Variants in GAS2L1 observed in about 807,000 individuals in gnomAD.
The protein encoded by GAS2L1 is GAS2-like protein 1.
In GAS2L1, 26 loss-of-function variants were observed where a neutral mutation model predicts 44.0. The observed-to-expected ratio is 0.59, with a 90% confidence interval of 0.43 to 0.82. The LOEUF (loss-of-function observed/expected upper bound fraction) is 0.82, where lower values mean the gene tolerates loss of function less well. Ranked by LOEUF, GAS2L1 falls within the 40% of genes least tolerant of loss-of-function variation. The probability of loss-of-function intolerance (pLI) is 0.00; values close to 1 mark genes in which losing one functional copy is unlikely to be tolerated. For missense variants in GAS2L1, 1,006 were observed against 983.0 expected, an observed-to-expected ratio of 1.02 and a Z score of -0.31; for synonymous variants, 426 against 415.9, an observed-to-expected ratio of 1.02 and a Z score of -0.30.
intron 1 of GAS2L1, among the ~76,000 whole-genome samples, chr22:29,309,841 C>A (rs1447218184): frequency 6.6e-6 from 1 of 152,188 alleles, no homozygotes; most frequent in Non-Finnish European, 1.5e-5. Flanking sequence ...GGGCTCTGGG[C>A]CTTCCCCAGG....
At chr22:29,308,102 G>A (rs767189339) in exon 1 of GAS2L1, 7 of 1,552,006 alleles carry the variant, frequency 4.5e-6, no homozygotes, top group African/African-American at 2.7e-5. Flanking sequence ...CGGCCGGTCC[G>A]GGCATGGCAG....
rs1228724977 is a variant in GAS2L1 at position 29,307,147 on chromosome 22, G to C, written c.-959G>C. ...GCAATGCTCCCCGGGGCCGCGGGAT[G>C]AGCCAGGTGAGCGCGGAGACCCCCA... On this transcript the variant is annotated 5_prime_UTR_variant, in exon 1 of 5. The change abolishes an upstream ATG in the 5' untranslated region. Transcript: ENST00000618518. 6.6e-6 allele frequency: 1 copy of C among 152,034 alleles called. No homozygotes were observed. The highest frequency in any genetic ancestry group is 1.5e-5 in the Non-Finnish European group (1 of 67,984). The allele number at this position is 152,034 out of a possible 1,614,324, so 9.4% of individuals were successfully genotyped here.
chr22:29,310,508 T>C (rs776619700), exon 2 of GAS2L1: 1 of 1,612,004 alleles, frequency 6.2e-7, no homozygotes, highest in Non-Finnish European at 8.5e-7. Flanking sequence ...AGAGGGGAAG[T>C]ACCGTGTGGG....
At chr22:29,309,325 A>G (rs2061380668) in intron 1 of GAS2L1, among the ~76,000 whole-genome samples, 1 of 151,920 alleles carries the variant, frequency 6.6e-6, no homozygotes, top group African/African-American at 2.4e-5. Context: ...GATTCGTTCT[A>G]CTCTAAGCAT....
chr22:29,311,380 C>A (rs993074875), intron 4 of GAS2L1, 82 bp from the exon 6 acceptor site: 2 of 628,892 alleles, frequency 3.2e-6, no homozygotes, highest in Admixed American at 5.9e-5. Context: ...CAGCCACATA[C>A]CCTGCTGTTC....
At position 29,308,744 on chromosome 22, in the gene GAS2L1, TC is replaced by T. The variant is rs1261871980; in HGVS notation, c.633+11del. On this transcript the variant is annotated splice_region_variant and intron_variant, in intron 1 of 4. Transcript: ENST00000618518. ...TGCGCAACCTCGACGAGCTGGTGAG[TC>T]CCCCAGCACCAGGTGCCAGGGACCC... The T allele has an allele frequency of 1.2e-5, 18 of 1,483,644 alleles. No homozygotes were observed. The South Asian group carries it at 1.9e-4, about 16-fold the overall frequency. The allele number at this position is 1,483,644 out of a possible 1,614,324, so 91.9% of individuals were successfully genotyped here.
Position 29,309,023 on chromosome 22 carries a change from A to G in GAS2L1, c.633+285A>G, listed in dbSNP as rs536817763. Among the ~76,000 whole-genome samples the G allele has an allele frequency of 4.6e-5, 7 of 152,358 alleles. No homozygotes were observed. The East Asian group carries it at 1.2e-3, about 25-fold the overall frequency. On this transcript the variant is annotated intron_variant, in intron 1 of 4. Coordinates refer to ENST00000618518, the Ensembl canonical transcript of GAS2L1. The stretch of plus-strand genomic sequence containing the variant: ...CACTTTGTGTGCTAACTGTGCCTCA[A>G]CTGAGCTTGTGCATTCCTTCTTCTG...
In GAS2L1 at chr22:29,308,747, C is replaced by A; in HGVS notation, c.633+9C>A. 1 of 1,483,272 alleles carries A rather than the reference C, an allele frequency of 6.7e-7. No homozygotes were observed. Among genetic ancestry groups the A allele is most frequent in the Non-Finnish European group, 8.9e-7 (1 of 1,122,798 alleles). The allele number at this position is 1,483,272 out of a possible 1,614,324, so 91.9% of individuals were successfully genotyped here. On this transcript the variant is annotated intron_variant, in intron 1 of 4. Transcript: ENST00000618518. ...GCAACCTCGACGAGCTGGTGAGTCCCCCAGCACCAGGTGCCAGGGACCCGA... is the reference window on the plus strand; with the variant it reads ...GCAACCTCGACGAGCTGGTGAGTCCACCAGCACCAGGTGCCAGGGACCCGA...
exon 5 of GAS2L1, chr22:29,312,062 C>G (rs745828804): frequency 2.5e-6 from 4 of 1,612,704 alleles, no homozygotes; most frequent in Non-Finnish European, 3.4e-6. Context: ...CTGTTGCTAG[C>G]GTGACCCCCA....
At chr22:29,309,126 G>A (rs968451232) in intron 1 of GAS2L1, among the ~76,000 whole-genome samples, 3 of 152,160 alleles carry the variant, frequency 2.0e-5, no homozygotes, top group Non-Finnish European at 2.9e-5. Context: ...CAACCTCATG[G>A]AGGCTCGAGG....
At position 29,309,222 on chromosome 22, in the gene GAS2L1, G is replaced by T. The variant is rs558060086; in HGVS notation, c.633+484G>T. Reference sequence around the variant, plus strand: ...TGGCACACAGTAGGTGCCCCAGGGGGCTCTGCAGGTCTCCCCACTCCCCAG... The same window carrying T: ...TGGCACACAGTAGGTGCCCCAGGGGTCTCTGCAGGTCTCCCCACTCCCCAG... On this transcript the variant is annotated intron_variant, in intron 1 of 4. Transcript: ENST00000618518. Among the ~76,000 whole-genome samples, 16 of 152,294 alleles carry T rather than the reference G, an allele frequency of 1.1e-4. No homozygotes were observed. The South Asian group carries it at 3.1e-3, about 30-fold the overall frequency.
rs1032845727 is a variant in GAS2L1, at chr22:29,312,205, G to T, written c.1754G>T (p.Arg585Leu). 1.9e-6 allele frequency: 3 copies of T among 1,612,934 alleles called. No homozygotes were observed. In the African/African-American group the frequency reaches 4.0e-5, roughly 22 times the overall value. ...TGTGGCCAACCTGGGGACTCTGGCC[G>T]GACGGCCAATGGGCTGCCTGGGCCC... is the stretch of plus-strand genomic sequence containing the variant. Residue 585 changes from arginine to leucine, a missense_variant, in exon 5 of 5, where the codon CGG (arginine) becomes CTG (leucine). By Grantham distance (102) the Arg-to-Leu change is moderately radical. Transcript: ENST00000618518.
At chr22:29,308,875 A>C (rs2061377000) in intron 1 of GAS2L1, 137 bp downstream of exon 2, 4 of 664,746 alleles carry the variant, frequency 6.0e-6, no homozygotes, top group Non-Finnish European at 9.2e-6. Flanking sequence ...GTTGAGCACC[A>C]AACCGAGGAA....
intron 4 of GAS2L1, chr22:29,311,223 C>T (rs2061401995): frequency 3.4e-6 from 2 of 593,542 alleles, no homozygotes; most frequent in African/African-American, 1.9e-5. Context: ...CTCTTGCTTC[C>T]TCTGGCCCGT....
chr22:29,311,360 C>T, intron 4 of GAS2L1, 102 bp from the exon 6 acceptor site: 2 of 604,758 alleles, frequency 3.3e-6, no homozygotes, highest in Admixed American at 3.0e-5. Flanking sequence ...CCCCTGACAG[C>T]CCCGTCCACC....
chr22:29,310,701 G>T (rs766664202), exon 3 of GAS2L1: 2 of 1,609,558 alleles, frequency 1.2e-6, no homozygotes, highest in Non-Finnish European at 1.7e-6. Context: ...GCATTACCTG[G>T]ACAAGCACGA....
chr22:29,312,014 G>C lies in GAS2L1; in HGVS notation c.1563G>C (p.Leu521=), dbSNP rs2061414592. ...AGGAGCAGCAGCTGTTCCGGCGCCT[G>C]GAAGAGGAGTTCCTGGCCAATGCCC... Residue 521 remains leucine, a synonymous_variant, in exon 5 of 5, where the codon CTG becomes CTC. Transcript: ENST00000618518. 3 of 1,611,872 alleles carry C rather than the reference G, an allele frequency of 1.9e-6. No individual in the cohort carries two copies. The South Asian group carries it at 3.3e-5, about 18-fold the overall frequency.
At chr22:29,307,315 G>C (rs1331334741) in exon 1 of GAS2L1, 2 of 152,178 alleles carry the variant, frequency 1.3e-5, no homozygotes, top group African/African-American at 4.8e-5. Flanking sequence ...GGCAGGGCCT[G>C]CGGAGGCCGC....
At chr22:29,307,826 T>G in exon 1 of GAS2L1, 1 of 302,326 alleles carries the variant, frequency 3.3e-6, no homozygotes, top group Non-Finnish European at 6.0e-6. Context: ...AGCCCCAGTT[T>G]CCACCGCAAA....
Sources: gnomAD v4.1 joint callset for allele counts (sites outside exome capture counted in the v4.1 genomes callset) on GRCh38, gnomAD v4.1.1 for gene constraint, MANE v1.5 for transcripts, NCBI Gene and HGNC (gene_info 2026-07-23, HGNC 2026-07-21) for gene names.